The following SCML4 variants were observed in gnomAD, a reference collection of about 807,000 sequenced individuals.
The protein encoded by SCML4 is sex comb on midleg-like protein 4.
SCML4 carries 34 observed loss-of-function variants against 41.1 expected under a neutral mutation model. The observed-to-expected ratio is 0.83, with a 90% CI of 0.63 to 1.10. The LOEUF is 1.10. SCML4 is among the 50% of genes least tolerant of loss of function. SCML4 has a pLI of 0.00. For synonymous variants in SCML4, 214 were observed against 220.9 expected (o/e 0.97, Z 0.28); for missense variants, 522 against 534.1 (o/e 0.98, Z 0.22).
intron 3 of SCML4, among the ~76,000 whole-genome samples, chr6:107,748,278 A>G (rs1778312376): frequency 6.6e-6 from 1 of 152,198 alleles, no homozygotes; most frequent in South Asian, 2.1e-4. Context: ...ATCCTCCCAT[A>G]AGCATCTTAC....
chr6:107,744,937 G>T lies in SCML4; in HGVS notation c.682+12C>A. 1 of 1,586,472 alleles carries T rather than the reference G, an allele frequency of 6.3e-7. No homozygotes were observed. The highest frequency in any genetic ancestry group is 8.6e-7 in the Non-Finnish European group (1 of 1,164,360). Reference sequence around the variant, plus strand: ...GTGTCCCTGCAGGTGGGGGAAGCAGGACAAGGCCTACCTGATTCCATCCTC... The same window carrying T: ...GTGTCCCTGCAGGTGGGGGAAGCAGTACAAGGCCTACCTGATTCCATCCTC... On this transcript the variant is annotated intron_variant, in intron 5 of 7. Coordinates refer to ENST00000369020, the MANE Select transcript of SCML4 (RefSeq NM_198081.5).
In SCML4 at chr6:107,764,928, G is replaced by A. The variant is rs541879672; in HGVS notation, c.156+7244C>T. ...TGCCACCATATAAGACATACTTTTC[G>A]CTTTCCACCATGACTGTGAGGCCTC... On this transcript the variant is annotated intron_variant, in intron 2 of 7. Transcript: ENST00000369020. Among the ~76,000 whole-genome samples, 47 of 152,202 alleles carry A rather than the reference G, an allele frequency of 3.1e-4. No homozygotes were observed. The South Asian group carries it at 4.4e-3, about 14-fold the overall frequency.
rs529007353 is a variant in SCML4, at chr6:107,705,180, C to T, written c.*20G>A. 1.6e-3 allele frequency: 2,549 copies of T among 1,550,770 alleles called. 5 individuals carry two copies. Among genetic ancestry groups the T allele is most frequent in the Non-Finnish European group, 1.8e-3 (2,036 of 1,146,188 alleles). On this transcript the variant is annotated 3_prime_UTR_variant, in exon 8 of 8. Transcript: ENST00000369020. ...TTGGGATCTGTTGTTTTGGGTTTCG[C>T]TTCTGTCTTTTTAAAAAAGTCAGAA...
At chr6:107,842,440 T>C in the SCML4 span, among the ~76,000 whole-genome samples, 1 of 152,194 alleles carries the variant, frequency 6.6e-6, no homozygotes, top group Non-Finnish European at 1.5e-5. Flanking sequence ...TTGGTTGATG[T>C]TATCCAGAGT....
At chr6:107,726,786 C>A (rs749214049) in intron 5 of SCML4, among the ~76,000 whole-genome samples, 72 of 152,214 alleles carry the variant, frequency 4.7e-4, no homozygotes, top group Non-Finnish European at 4.7e-4. Flanking sequence ...GAAATTAGAA[C>A]CCCCACACCC....
At chr6:107,829,722 C>A in the SCML4 span, among the ~76,000 whole-genome samples, 1 of 152,040 alleles carries the variant, frequency 6.6e-6, no homozygotes, top group Non-Finnish European at 1.5e-5. Flanking sequence ...CCTGCACGTT[C>A]TGCACATGTA....
intron 5 of SCML4, 119 bp downstream of exon 5, chr6:107,744,830 C>T (rs1777914867): frequency 3.6e-6 from 3 of 837,268 alleles, no homozygotes; most frequent in Non-Finnish European, 5.6e-6. Context: ...ACAGGCAGCC[C>T]ATGGGGCTCC....
chr6:107,713,207 T>C (rs1387722034), intron 6 of SCML4, among the ~76,000 whole-genome samples: 1 of 152,222 alleles, frequency 6.6e-6, no homozygotes, highest in Non-Finnish European at 1.5e-5. Context: ...ACGTACATAA[T>C]TTCCTTTCAC....
At chr6:107,716,013 G>T (rs948706522) in intron 6 of SCML4, among the ~76,000 whole-genome samples, 3 of 152,232 alleles carry the variant, frequency 2.0e-5, no homozygotes, top group Non-Finnish European at 4.4e-5. Flanking sequence ...GGTGTGGGGG[G>T]ACCCACAGCA....
At chr6:107,794,213 TG>T (rs1258343805) in intron 1 of SCML4, among the ~76,000 whole-genome samples, 2 of 152,240 alleles carry the variant, frequency 1.3e-5, no homozygotes, top group African/African-American at 4.8e-5. Context: ...CTTATTGAAT[TG>T]GTTTGCACTG....
the SCML4 span, among the ~76,000 whole-genome samples, chr6:107,832,476 G>A: frequency 6.6e-6 from 1 of 152,132 alleles, no homozygotes; most frequent in Non-Finnish European, 1.5e-5. Context: ...GAGCAAGGAA[G>A]CTTCTTTCCT....
intron 1 of SCML4, among the ~76,000 whole-genome samples, chr6:107,822,482 C>A (rs1205173487): frequency 6.9e-6 from 1 of 144,636 alleles, no homozygotes; most frequent in African/African-American, 2.6e-5. Flanking sequence ...TATTACCGTT[C>A]ATTTACTCTT....
intron 2 of SCML4, among the ~76,000 whole-genome samples, chr6:107,751,731 G>C: frequency 6.6e-6 from 1 of 151,696 alleles, no homozygotes. Flanking sequence ...CGCCTCCCAG[G>C]TTCAAATGAT....
At chr6:107,777,394 G>A (rs1781045653) in intron 1 of SCML4, among the ~76,000 whole-genome samples, 1 of 152,142 alleles carries the variant, frequency 6.6e-6, no homozygotes, top group South Asian at 2.1e-4. Context: ...GGGATTACAG[G>A]CATGAGCTGC....
At chr6:107,769,040 C>A (rs192984707) in intron 2 of SCML4, among the ~76,000 whole-genome samples, 27 of 152,276 alleles carry the variant, frequency 1.8e-4, no homozygotes, top group Middle Eastern at 3.4e-3. Flanking sequence ...GAACTAAGGA[C>A]CTCAACCAAT....
At position 107,772,204 on chromosome 6, in the gene SCML4, G is replaced by C. The variant is rs1310775847; in HGVS notation, c.124C>G (p.Pro42Ala). 7 of 1,551,110 alleles carry C rather than the reference G, an allele frequency of 4.5e-6. No individual in the cohort carries two copies. In the South Asian group the frequency reaches 8.3e-5, roughly 18 times the overall value. The change falls in exon 2 of 8, where the codon CCA (proline) becomes GCA (alanine). Residue 42 changes from proline to alanine, a missense_variant. Physicochemically the swap from Pro to Ala is conservative, Grantham distance 27. Transcript: ENST00000369020. The part of the protein sequence containing the change: ...SAGSLPAVKI[P>A]KKRGRKPGYK... ...CCGGGTTTCCGCCCTCTTTTCTTTG[G>C]GATCTTCACTGCTGGTAAAGAGCCA...
Position 107,759,367 on chromosome 6 carries a change from A to ACATAC in SCML4, c.157-9555_157-9554insGTATG, listed in dbSNP as rs1554213083. On this transcript the variant is annotated intron_variant, in intron 2 of 7. Coordinates refer to ENST00000369020, the MANE Select transcript of SCML4 (RefSeq NM_198081.5). ...TACATACATACATACATACATACAT[A>ACATAC]AGGCTGCTGTTAGGCAGAATGGATG... Among the ~76,000 whole-genome samples the ACATAC allele has an allele frequency of 2.6e-5, 4 of 151,570 alleles. No homozygotes were observed. In the South Asian group the frequency reaches 8.3e-4, roughly 32 times the overall value.
At chr6:107,708,127 A>G in intron 6 of SCML4, 116 bp from the exon 7 acceptor site, 1 of 1,241,698 alleles carries the variant, frequency 8.1e-7, no homozygotes, top group Non-Finnish European at 1.1e-6. Flanking sequence ...CATGAGTCCA[A>G]GGACCTGGCC....
At chr6:107,828,483 G>C (rs1463664411), upstream of SCML4, among the ~76,000 whole-genome samples, 1 of 152,166 alleles carries the variant, frequency 6.6e-6, no homozygotes, top group East Asian at 1.9e-4. Flanking sequence ...TAATTACAAA[G>C]GGGCAAAAAG....
Sources: gnomAD v4.1 joint callset for allele counts (sites outside exome capture counted in the v4.1 genomes callset) on GRCh38, gnomAD v4.1.1 for gene constraint, MANE v1.5 for transcripts, NCBI Gene and HGNC (gene_info 2026-07-23, HGNC 2026-07-21) for gene names.